The following PFKFB3 variants were observed in gnomAD, a reference collection of about 807,000 sequenced individuals.
PFKFB3 encodes 6-phosphofructo-2-kinase/fructose-2,6-biphosphatase 3, also known as 6-phosphofructo-2-kinase/fructose-2,6-bisphosphatase 3.
PFKFB3 carries 33 observed loss-of-function variants against 68.0 expected under a neutral mutation model. The observed-to-expected ratio is 0.49, with a 90% confidence interval of 0.37 to 0.65. The LOEUF (loss-of-function observed/expected upper bound fraction) is 0.65. Among genes scored for constraint, PFKFB3 ranks in the 30% least tolerant of loss-of-function variants. PFKFB3 has a pLI of 0.00. For synonymous variants in PFKFB3, 315 were observed against 288.2 expected (o/e 1.09, Z -0.94); for missense variants, 586 against 712.2 (o/e 0.82, Z 2.02).
chr10:6,230,611 G>A (rs144162199), intron 14 of PFKFB3, among the ~76,000 whole-genome samples: 279 of 152,182 alleles, frequency 1.8e-3, no homozygotes, highest in African/African-American at 6.3e-3. Context: ...CATTGGGTCA[G>A]CCTTTGGATA....
intron 1 of PFKFB3, among the ~76,000 whole-genome samples, chr10:6,209,206 T>A (rs1169866472): frequency 6.6e-6 from 1 of 152,176 alleles, no homozygotes; most frequent in African/African-American, 2.4e-5. Context: ...TGACAACACT[T>A]TGAGCTCGAG....
At chr10:6,203,529 C>T (rs1221428512) in intron 1 of PFKFB3, among the ~76,000 whole-genome samples, 193 bp downstream of exon 1, 2 of 150,548 alleles carry the variant, frequency 1.3e-5, no homozygotes, top group Non-Finnish European at 3.0e-5. Context: ...GTCCCGGTGG[C>T]TGCCCCGCCG....
At chr10:6,240,083 C>T (rs1428907016), downstream of PFKFB3, among the ~76,000 whole-genome samples, 1 of 152,184 alleles carries the variant, frequency 6.6e-6, no homozygotes, top group African/African-American at 2.4e-5. Context: ...AGTTTGCTTA[C>T]ATTCACAATA....
chr10:6,226,305 C>T lies in PFKFB3; in HGVS notation c.1455C>T (p.Ser485=), dbSNP rs775397211. ...RINSFEEHVA[S]TSAALPSCLP... ...ACAGCTTTGAGGAGCATGTGGCCTC[C>T]ACCTCGGCCGCCCTGCCCAGCTGCC... The change falls in exon 14 of 15, where the codon TCC becomes TCT. Residue 485 remains serine (S), a synonymous_variant. Transcript: ENST00000379775. The T allele has an allele frequency of 1.4e-5, 22 of 1,614,030 alleles. No individual in the cohort carries two copies. The highest frequency in any genetic ancestry group is 1.7e-5 in the Non-Finnish European group (20 of 1,180,026).
intron 6 of PFKFB3, among the ~76,000 whole-genome samples, chr10:6,218,763 G>A (rs987662530): frequency 5.9e-5 from 9 of 152,092 alleles, no homozygotes; most frequent in African/African-American, 1.9e-4. Context: ...GTGCAGTACA[G>A]CAGCAAATTA....
chr10:6,196,465 G>T (rs1387858395), intron 1 of PFKFB3, among the ~76,000 whole-genome samples: 2 of 152,158 alleles, frequency 1.3e-5, no homozygotes, highest in Non-Finnish European at 1.5e-5. Context: ...GAGCAAGGAA[G>T]CCAGTCCAGG....
intron 14 of PFKFB3, among the ~76,000 whole-genome samples, chr10:6,226,888 C>G (rs551955158): frequency 6.6e-6 from 1 of 152,316 alleles, no homozygotes; most frequent in Non-Finnish European, 1.5e-5. Flanking sequence ...GAGTTCCAGA[C>G]CAGCCTGGCC....
intron 1 of PFKFB3, among the ~76,000 whole-genome samples, chr10:6,181,640 C>T (rs536782995): frequency 7.9e-5 from 12 of 151,904 alleles, no homozygotes; most frequent in African/African-American, 1.9e-4. Flanking sequence ...GGAAACATAG[C>T]GAGGCCTCAC....
At chr10:6,193,477 C>T (rs1159753127) in intron 1 of PFKFB3, among the ~76,000 whole-genome samples, 1 of 152,242 alleles carries the variant, frequency 6.6e-6, no homozygotes, top group East Asian at 1.9e-4. Flanking sequence ...ATGTCGGACA[C>T]TGTGGTAGGA....
chr10:6,228,065 C>G lies in PFKFB3; in HGVS notation c.1515+1700C>G. 1.1e-6 allele frequency: 1 copy of G among 923,342 alleles called. No individual in the cohort carries two copies. The highest frequency in any genetic ancestry group is 1.7e-6 in the Non-Finnish European group (1 of 571,938). 57.2% of individuals were successfully genotyped at this position (923,342 alleles called of 1,614,324 possible). A position where few individuals can be genotyped will look rare whatever the true frequency, so the allele number is the denominator to read the frequency against. On this transcript the variant is annotated intron_variant, in intron 14 of 14. Transcript: ENST00000379775. This position sits in a 1 kb window ranked among gnomAD's most constrained non-coding sequence, Gnocchi z 4.5. Reference sequence around the variant, plus strand: ...TGCCCCTGGCGTTGGGAGGACAGTCCTTCAGGGTGGCCAGGTTCTTAGGGA... The same window carrying G: ...TGCCCCTGGCGTTGGGAGGACAGTCGTTCAGGGTGGCCAGGTTCTTAGGGA...
Position 6,235,148 on chromosome 10 carries a change from T to G in PFKFB3, c.*2206T>G, listed in dbSNP as rs763256173. The G allele has an allele frequency of 3.3e-5, 5 of 152,630 alleles. No individual in the cohort carries two copies. Among genetic ancestry groups the G allele is most frequent in the African/African-American group, 1.2e-4 (5 of 41,394 alleles). The allele number at this position is 152,630 out of a possible 1,614,324, so 9.5% of individuals were successfully genotyped here. On this transcript the variant is annotated 3_prime_UTR_variant, in exon 15 of 15. Transcript: ENST00000379775. ...CTTTGCCTATTTGTTTTTGGGTGAG[T>G]TTCCCCCCTCCTTATTCTGTCCTGA...
At chr10:6,236,097 C>A (rs577854361), downstream of PFKFB3, among the ~76,000 whole-genome samples, 5 of 152,288 alleles carry the variant, frequency 3.3e-5, no homozygotes, top group Middle Eastern at 3.4e-3. Flanking sequence ...TCATTCTATA[C>A]CCCTTCCCCG....
At chr10:6,203,386 G>T in intron 1 of PFKFB3, 50 bp downstream of exon 1, 2 of 1,474,838 alleles carry the variant, frequency 1.4e-6, no homozygotes, top group East Asian at 2.6e-5. Context: ...GCGCCGGGCC[G>T]GGCCATTGTG....
In PFKFB3 at chr10:6,162,868, C is replaced by T. The variant is rs535710640; in HGVS notation, c.16+17855C>T. On this transcript the variant is annotated intron_variant, in intron 1 of 14. Transcript: ENST00000379789. ...CTGGGTACTTTCAGTGGAGGATGGT[C>T]CTTAGAAGGCTGGATCTGGGCTTTT... 5.3e-5 allele frequency among the ~76,000 whole-genome samples: 8 copies of T among 152,316 alleles called. No homozygotes were observed. In the East Asian group the frequency reaches 9.6e-4, roughly 18 times the overall value.
the PFKFB3 span, among the ~76,000 whole-genome samples, chr10:6,315,409 A>G: frequency 6.6e-6 from 1 of 152,228 alleles, no homozygotes; most frequent in Non-Finnish European, 1.5e-5. Flanking sequence ...GCCTTATAGA[A>G]TGTCCCACAT....
At chr10:6,293,733 G>T in the PFKFB3 span, 3 of 337,228 alleles carry the variant, frequency 8.9e-6, no homozygotes, top group African/African-American at 2.2e-5. Context: ...TGTCATGAAT[G>T]GACGTAGAAA....
intron 1 of PFKFB3, among the ~76,000 whole-genome samples, chr10:6,145,757 T>C (rs1163916778): frequency 1.3e-5 from 2 of 152,134 alleles, no homozygotes; most frequent in African/African-American, 4.8e-5. Flanking sequence ...TCAGGCCCGC[T>C]GATGAGCGCG....
rs558498935 is a variant in PFKFB3, at chr10:6,249,194, A to G, written c.1516-4984A>G. The stretch of plus-strand genomic sequence containing the variant: ...CGTCTCAATTAAAAAAAAAAAAAAA[A>G]AAAAAAAAAGAAAAGAAAAGGAAAC... On this transcript the variant is annotated intron_variant, in intron 14 of 14. Coordinates refer to the PFKFB3 transcript ENST00000640683. Among the ~76,000 whole-genome samples the G allele has an allele frequency of 1.2e-3, 181 of 150,888 alleles. 6 individuals are homozygous for G. In the East Asian group the frequency reaches 0.03, roughly 25 times the overall value.
intron 13 of PFKFB3, among the ~76,000 whole-genome samples, chr10:6,225,627 C>T (rs1171561355): frequency 1.3e-5 from 2 of 152,224 alleles, no homozygotes; most frequent in Admixed American, 6.5e-5. Context: ...TGGTCCTGGC[C>T]GCAGAACCTG....
Sources: allele counts gnomAD v4.1 joint callset (sites outside exome capture counted in the v4.1 genomes callset), GRCh38; gene constraint gnomAD v4.1.1; non-coding constraint Gnocchi (gnomAD v3.1); transcripts MANE v1.5; gene names NCBI Gene and HGNC (gene_info 2026-07-23, HGNC 2026-07-21).